The following ROBO2 variants were observed in gnomAD, a reference collection of about 807,000 sequenced individuals.
ROBO2 encodes the protein roundabout homolog 2.
In ROBO2, 53 loss-of-function variants were observed where a neutral mutation model predicts 160.8. The observed-to-expected ratio is 0.33, with a 90% CI of 0.26 to 0.41. The LOEUF is 0.41. Ranked by LOEUF, ROBO2 falls within the 10% of genes least tolerant of loss-of-function variation. The pLI, the probability that ROBO2 is intolerant of heterozygous loss-of-function variation, is 1.00. For missense variants in ROBO2, 1,577 were observed against 1,722.4 expected (o/e 0.92, Z 1.49); for synonymous variants, 664 against 611.7 (o/e 1.09, Z -1.26).
chr3:76,273,451 G>A (rs370620278), intron 2 of ROBO2, among the ~76,000 whole-genome samples: 5 of 152,072 alleles, frequency 3.3e-5, no homozygotes, highest in Admixed American at 6.6e-5. Context: ...AGAACTGCCC[G>A]AGACTGGGTA....
At chr3:76,953,821 T>C (rs971903303) in intron 2 of ROBO2, among the ~76,000 whole-genome samples, 11 of 123,562 alleles carry the variant, frequency 8.9e-5, no homozygotes, top group Non-Finnish European at 1.5e-4. Flanking sequence ...CCTTTTTAAA[T>C]GTGTGTGTGT....
intron 2 of ROBO2, among the ~76,000 whole-genome samples, chr3:76,251,138 T>C (rs1705968876): frequency 6.6e-6 from 1 of 151,994 alleles, no homozygotes; most frequent in Non-Finnish European, 1.5e-5. Context: ...GTTGCTGAGG[T>C]ATAAACACCA....
chr3:75,997,772 C>T (rs896885152), intron 2 of ROBO2, among the ~76,000 whole-genome samples: 2 of 152,108 alleles, frequency 1.3e-5, no homozygotes, highest in East Asian at 1.9e-4. Context: ...GGATTACAGG[C>T]GTGAGCCACC....
chr3:76,861,420 A>T (rs1157273031), intron 2 of ROBO2, among the ~76,000 whole-genome samples: 1 of 152,188 alleles, frequency 6.6e-6, no homozygotes, highest in African/African-American at 2.4e-5. Flanking sequence ...AAATTATTCT[A>T]ATGCTACTAT....
At chr3:76,404,680 A>G (rs2078029283) in intron 2 of ROBO2, among the ~76,000 whole-genome samples, 1 of 151,540 alleles carries the variant, frequency 6.6e-6, no homozygotes, top group Non-Finnish European at 1.5e-5. Context: ...GAAGTTGCTT[A>G]GAGGTAGATA....
intron 2 of ROBO2, among the ~76,000 whole-genome samples, chr3:76,334,216 A>G (rs151098569): frequency 5.4e-4 from 83 of 152,296 alleles, no homozygotes; most frequent in African/African-American, 2.0e-3. Flanking sequence ...CATTGCCTGA[A>G]AACTATTTTA....
intron 2 of ROBO2, among the ~76,000 whole-genome samples, chr3:75,953,363 A>G (rs1948618319): frequency 1.3e-5 from 2 of 151,926 alleles, no homozygotes; most frequent in Non-Finnish European, 1.5e-5. Context: ...ATACATGACT[A>G]GTAACTTCAA....
At chr3:75,994,042 G>C (rs2065654192) in intron 2 of ROBO2, among the ~76,000 whole-genome samples, 1 of 152,098 alleles carries the variant, frequency 6.6e-6, no homozygotes, top group Non-Finnish European at 1.5e-5. Flanking sequence ...AAAATATTAA[G>C]AGTATAAAGA....
intron 2 of ROBO2, among the ~76,000 whole-genome samples, chr3:77,273,956 AAT>A (rs2059661758): frequency 6.6e-6 from 1 of 151,540 alleles, no homozygotes; most frequent in Admixed American, 6.6e-5. Flanking sequence ...CTTTGGTGTG[AAT>A]CTAACCTAGA....
chr3:77,489,481 A>C (rs1459223047), intron 4 of ROBO2, among the ~76,000 whole-genome samples: 1 of 152,128 alleles, frequency 6.6e-6, no homozygotes, highest in Non-Finnish European at 1.5e-5. Flanking sequence ...TGAAATTATA[A>C]ATCAAGTGCC....
intron 2 of ROBO2, among the ~76,000 whole-genome samples, chr3:76,268,914 C>G (rs902092065): frequency 3.3e-5 from 5 of 152,112 alleles, no homozygotes; most frequent in African/African-American, 1.2e-4. Flanking sequence ...TAGACTCTTA[C>G]TCCCACACAC....
chr3:77,602,907 A>G (rs2094461263), intron 20 of ROBO2: 1 of 460,212 alleles, frequency 2.2e-6, no homozygotes, highest in African/African-American at 2.0e-5. Context: ...ACATGATGCC[A>G]CTATGACCTC....
intron 2 of ROBO2, among the ~76,000 whole-genome samples, chr3:76,719,799 G>T (rs1004921732): frequency 6.6e-6 from 1 of 151,342 alleles, no homozygotes; most frequent in South Asian, 2.1e-4. Context: ...CACGAGAATC[G>T]CTTGAACCTG....
At chr3:76,979,166 A>C (rs944834422) in intron 2 of ROBO2, among the ~76,000 whole-genome samples, 1 of 151,910 alleles carries the variant, frequency 6.6e-6, no homozygotes, top group East Asian at 1.9e-4. Flanking sequence ...TTGGTCTCGA[A>C]CTCCTGGGCT....
At chr3:76,339,990 C>T (rs1050551787) in intron 2 of ROBO2, among the ~76,000 whole-genome samples, 2 of 151,412 alleles carry the variant, frequency 1.3e-5, no homozygotes, top group African/African-American at 4.8e-5. Context: ...TTACTATAAT[C>T]ATCGACTATT....
intron 1 of ROBO2, among the ~76,000 whole-genome samples, chr3:77,096,291 A>G (rs994019899): frequency 3.3e-5 from 5 of 152,146 alleles, no homozygotes; most frequent in Non-Finnish European, 7.4e-5. Flanking sequence ...TCCTCTCAGC[A>G]TCTCCTTTTT....
At chr3:77,223,410 C>A (rs143506749) in intron 2 of ROBO2, among the ~76,000 whole-genome samples, 1 of 152,076 alleles carries the variant, frequency 6.6e-6, no homozygotes, top group East Asian at 1.9e-4. Flanking sequence ...CTAAAACAGG[C>A]GCAATAAACA....
intron 2 of ROBO2, among the ~76,000 whole-genome samples, chr3:77,438,436 G>T (rs889269329): frequency 1.3e-5 from 2 of 151,616 alleles, no homozygotes; most frequent in African/African-American, 4.8e-5. Context: ...AAGAGAGTGA[G>T]CATACCCAAC....
intron 2 of ROBO2, among the ~76,000 whole-genome samples, chr3:76,797,063 A>G (rs1014292519): frequency 2.6e-5 from 4 of 152,146 alleles, no homozygotes; most frequent in Non-Finnish European, 5.9e-5. Context: ...CAACAAAAAA[A>G]CATTGGATCT....
Sources: gnomAD v4.1 joint callset for allele counts (sites outside exome capture counted in the v4.1 genomes callset) on GRCh38, gnomAD v4.1.1 for gene constraint, MANE v1.5 for transcripts, NCBI Gene and HGNC (gene_info 2026-07-23, HGNC 2026-07-21) for gene names.